SKI: variants seen among roughly 807,000 people sequenced by gnomAD.
SKI encodes SKI proto-oncogene.
A neutral mutation model predicts 59.3 loss-of-function variants in SKI; 23 were observed. That is an observed-to-expected ratio of 0.39 (90% confidence interval 0.28 to 0.55). SKI has a LOEUF of 0.55. Among genes scored for constraint, SKI ranks in the 20% least tolerant of loss-of-function variants. The probability of loss-of-function intolerance (pLI) is 0.67; values close to 1 mark genes in which losing one functional copy is unlikely to be tolerated. For synonymous variants in SKI, 673 were observed against 488.6 expected, an observed-to-expected ratio of 1.38 and a Z score of -4.98; for missense variants, 1,017 against 1,038.9, an observed-to-expected ratio of 0.98 and a Z score of 0.29.
chr1:2,231,744 C>T (rs543495254), intron 1 of SKI, among the ~76,000 whole-genome samples: 4 of 152,296 alleles, frequency 2.6e-5, no homozygotes, highest in East Asian at 1.9e-4. Context: ...GCAGTGGTGT[C>T]CTCCGCCTGG....
intron 1 of SKI, among the ~76,000 whole-genome samples, chr1:2,230,430 G>A (rs1395290065): frequency 6.6e-6 from 1 of 152,186 alleles, no homozygotes. Flanking sequence ...CGTGTGGGGT[G>A]AGGGCCATTT....
intron 1 of SKI, among the ~76,000 whole-genome samples, chr1:2,294,987 G>A (rs1640250794): frequency 6.6e-6 from 1 of 152,236 alleles, no homozygotes; most frequent in Admixed American, 6.5e-5. Context: ...TGGTGACAGG[G>A]ACCAGAATGT....
At chr1:2,232,953 C>T (rs1013750023) in intron 1 of SKI, among the ~76,000 whole-genome samples, 1 of 152,184 alleles carries the variant, frequency 6.6e-6, no homozygotes, top group African/African-American at 2.4e-5. Flanking sequence ...GTCGGCTCGC[C>T]TCCTTCCTCG....
chr1:2,299,262 GC>G (rs1475334641), intron 1 of SKI, among the ~76,000 whole-genome samples: 1 of 150,300 alleles, frequency 6.7e-6, no homozygotes, highest in Non-Finnish European at 1.5e-5. Flanking sequence ...GAGGGGGGGG[GC>G]CACACGGGCA....
chr1:2,306,844 T>C lies in SKI; in HGVS notation c.*79T>C. The stretch of plus-strand genomic sequence containing the variant: ...GCTGGGCGGTGCAGCTCCGCCCGGC[T>C]CCGCCCCTGCAGCCCACACAGCACA... On this transcript the variant is annotated 3_prime_UTR_variant, in exon 7 of 7. Coordinates refer to ENST00000378536, the MANE Select transcript of SKI (RefSeq NM_003036.4). 1.0e-6 allele frequency: 1 copy of C among 1,001,588 alleles called. No homozygotes were observed. The highest frequency in any genetic ancestry group is 1.3e-6 in the Non-Finnish European group (1 of 763,080). The allele number at this position is 1,001,588 out of a possible 1,614,324, so 62.0% of individuals were successfully genotyped here. A position where few individuals can be genotyped will look rare whatever the true frequency, so the allele number is the denominator to read the frequency against.
chr1:2,273,215 C>T (rs1211075086), intron 1 of SKI, among the ~76,000 whole-genome samples: 6 of 152,190 alleles, frequency 3.9e-5, no homozygotes, highest in East Asian at 3.8e-4. Flanking sequence ...ATGCTTCTCC[C>T]GGCCCCTCCT....
intron 1 of SKI, among the ~76,000 whole-genome samples, chr1:2,244,990 G>T (rs1036142599): frequency 6.6e-6 from 1 of 152,104 alleles, no homozygotes; most frequent in Non-Finnish European, 1.5e-5. Context: ...TAATATATAC[G>T]CACCTAACCT....
At chr1:2,299,210 G>A (rs963975892) in intron 1 of SKI, among the ~76,000 whole-genome samples, 3 of 152,124 alleles carry the variant, frequency 2.0e-5, no homozygotes, top group African/African-American at 7.2e-5. Context: ...CCGGAGCTGT[G>A]GGCATCAGCT....
chr1:2,302,827 G>A lies in SKI; in HGVS notation c.970-151G>A, dbSNP rs1375427241. On this transcript the variant is annotated intron_variant, in intron 1 of 6. Coordinates refer to ENST00000378536, the MANE Select transcript of SKI (RefSeq NM_003036.4). The stretch of plus-strand genomic sequence containing the variant: ...ATGCAAAGTGAACTTGGTCTCCTGG[G>A]GGGTGCCCTGGAATCTGCCTTCTGC... 8 of 1,044,700 alleles carry A rather than the reference G, an allele frequency of 7.7e-6. No homozygotes were observed. In the East Asian group the frequency reaches 1.2e-4, roughly 16 times the overall value. The allele number at this position is 1,044,700 out of a possible 1,614,324, so 64.7% of individuals were successfully genotyped here.
chr1:2,278,247 G>A (rs932925284), intron 1 of SKI, among the ~76,000 whole-genome samples: 3 of 152,236 alleles, frequency 2.0e-5, no homozygotes, highest in African/African-American at 2.4e-5. Context: ...GCAGAGTCAC[G>A]AGTGATGCAA....
chr1:2,232,943 G>T (rs1362663322), intron 1 of SKI, among the ~76,000 whole-genome samples: 1 of 152,152 alleles, frequency 6.6e-6, no homozygotes, highest in Non-Finnish European at 1.5e-5. Flanking sequence ...CTTCTTTCCG[G>T]TCGGCTCGCC....
At chr1:2,257,534 A>G (rs914982156) in intron 1 of SKI, among the ~76,000 whole-genome samples, 5 of 152,132 alleles carry the variant, frequency 3.3e-5, no homozygotes, top group South Asian at 4.1e-4. Context: ...CTCCTGCCCT[A>G]TGTGTGCTTG....
chr1:2,256,324 G>A (rs576041264), intron 1 of SKI, among the ~76,000 whole-genome samples: 2 of 151,726 alleles, frequency 1.3e-5, no homozygotes, highest in Non-Finnish European at 2.9e-5. Flanking sequence ...TTGGAGTTGC[G>A]TGCCTGACCT....
intron 1 of SKI, among the ~76,000 whole-genome samples, chr1:2,272,311 C>T (rs1466085784): frequency 6.6e-6 from 1 of 152,254 alleles, no homozygotes; most frequent in Non-Finnish European, 1.5e-5. Context: ...AAGCAAAACA[C>T]ACATAGACTT....
chr1:2,286,904 A>G (rs898962990), intron 1 of SKI, among the ~76,000 whole-genome samples: 7 of 152,238 alleles, frequency 4.6e-5, no homozygotes, highest in Non-Finnish European at 1.0e-4. Flanking sequence ...GTCACGGAGA[A>G]CTTTGCTTAT....
intron 1 of SKI, among the ~76,000 whole-genome samples, chr1:2,284,534 C>G (rs1354920049): frequency 1.3e-5 from 2 of 152,194 alleles, no homozygotes; most frequent in Admixed American, 1.3e-4. Context: ...AGCTGAGGTG[C>G]CTGGGGGGGC....
intron 1 of SKI, among the ~76,000 whole-genome samples, chr1:2,243,157 T>C (rs779375578): frequency 4.6e-5 from 7 of 152,178 alleles, no homozygotes; most frequent in Non-Finnish European, 1.0e-4. Flanking sequence ...GAGTATCCGT[T>C]GGTATTGAGA....
intron 1 of SKI, among the ~76,000 whole-genome samples, chr1:2,251,039 C>T (rs1355020149): frequency 6.6e-6 from 1 of 152,224 alleles, no homozygotes; most frequent in Non-Finnish European, 1.5e-5. Context: ...TGGACTTTAT[C>T]CGGGTGGGCC....
rs370508614 is a variant in SKI, at chr1:2,265,273, C to T, written c.969+35538C>T. Reference sequence around the variant, plus strand: ...TCTGGGCACTTGGTGGCCCGTGTGTCAGTCATGTGAATGTTGTCAGCTCAG... The same window carrying T: ...TCTGGGCACTTGGTGGCCCGTGTGTTAGTCATGTGAATGTTGTCAGCTCAG... On this transcript the variant is annotated intron_variant, in intron 1 of 6. Transcript: ENST00000378536. 1.6e-4 allele frequency among the ~76,000 whole-genome samples: 25 copies of T among 152,286 alleles called. 1 individual carries two copies. Among genetic ancestry groups the T allele is most frequent in the South Asian group, 1.0e-3 (5 of 4,826 alleles).
Sources: gnomAD v4.1 joint callset for allele counts (sites outside exome capture counted in the v4.1 genomes callset) on GRCh38, gnomAD v4.1.1 for gene constraint, MANE v1.5 for transcripts, NCBI Gene and HGNC (gene_info 2026-07-23, HGNC 2026-07-21) for gene names.